Variants in SLC35F3 observed in about 807,000 individuals in gnomAD.
The protein encoded by SLC35F3 is putative thiamine transporter SLC35F3.
SLC35F3 carries 25 observed loss-of-function variants against 49.9 expected under a neutral mutation model. That is an observed-to-expected ratio of 0.50 (90% CI 0.37 to 0.70). SLC35F3 has a LOEUF of 0.70. Among genes scored for constraint, SLC35F3 ranks in the 30% least tolerant of loss-of-function variants. The pLI is 0.00. For synonymous variants in SLC35F3, 275 were observed against 265.4 expected, an observed-to-expected ratio of 1.04 and a Z score of -0.35; for missense variants, 525 against 639.8, an observed-to-expected ratio of 0.82 and a Z score of 1.94.
chr1:233,993,000 G>T (rs1663389930), intron 2 of SLC35F3, among the ~76,000 whole-genome samples: 1 of 152,096 alleles, frequency 6.6e-6, no homozygotes, highest in African/African-American at 2.4e-5. Flanking sequence ...AATACACTTT[G>T]TCATTTGAAT....
At chr1:234,082,693 T>C (rs12074252) in intron 2 of SLC35F3, among the ~76,000 whole-genome samples, 26,964 of 152,100 alleles carry the variant, frequency 0.18, 2,763 homozygotes, top group African/African-American at 0.28. Context: ...ACTCACAGTT[T>C]CATGTGGCTG....
Position 234,323,347 on chromosome 1 carries a change from GC to G in SLC35F3, c.*105del. The G allele has an allele frequency of 1.0e-6, 1 of 969,214 alleles. No homozygotes were observed. The highest frequency in any genetic ancestry group is 1.6e-5 in the South Asian group (1 of 61,116). 60.0% of individuals were successfully genotyped at this position (969,214 alleles called of 1,614,324 possible). On this transcript the variant is annotated 3_prime_UTR_variant, in exon 8 of 8. Transcript: ENST00000366618. This position sits in a 1 kb window ranked among gnomAD's most constrained non-coding sequence, Gnocchi z 4.5. Reference sequence around the variant, plus strand: ...CATACCTGTACAGTTTTGGTCATCTGCGGTAAGTTCTATGGTATTTATTGGC... The same window carrying G: ...CATACCTGTACAGTTTTGGTCATCTGGGTAAGTTCTATGGTATTTATTGGC...
rs923630683 is a variant in SLC35F3 at position 234,027,569 on chromosome 1, G to C, written c.283+121811G>C. 3.0e-4 allele frequency among the ~76,000 whole-genome samples: 46 copies of C among 152,204 alleles called. No individual in the cohort carries two copies. Among genetic ancestry groups the C allele is most frequent in the African/African-American group, 1.0e-3 (43 of 41,436 alleles). On this transcript the variant is annotated intron_variant, in intron 2 of 7. Coordinates refer to ENST00000366618, the MANE Select transcript of SLC35F3 (RefSeq NM_173508.4). The surrounding 1 kb of genome is among the most constrained non-coding windows in gnomAD (Gnocchi z 4.1). The stretch of plus-strand genomic sequence containing the variant: ...CTCGCAATAGGTAGGCTAGAAGGCT[G>C]TTCTCTGATCTAAGCAAGACAAAAA...
chr1:233,919,791 G>T (rs1270632837), intron 2 of SLC35F3, among the ~76,000 whole-genome samples: 1 of 152,170 alleles, frequency 6.6e-6, no homozygotes, highest in Non-Finnish European at 1.5e-5. Context: ...ACAGGGCGGG[G>T]GTTGGTGTGG....
intron 3 of SLC35F3, among the ~76,000 whole-genome samples, chr1:234,232,452 T>A (rs1248806936): frequency 7.1e-6 from 1 of 140,150 alleles, no homozygotes; most frequent in Non-Finnish European, 1.5e-5. Flanking sequence ...ATTAAGAGCA[T>A]CTCGTGTTTC....
chr1:234,284,956 C>T lies in SLC35F3; in HGVS notation c.609-24145C>T, dbSNP rs569713790. ...TTAAATTAACAAAAGTGGCTTTTGC[C>T]GTATCTACTGCAAGAATGAAGACCA... is the stretch of plus-strand genomic sequence containing the variant. On this transcript the variant is annotated intron_variant, in intron 3 of 7. Coordinates refer to ENST00000366618, the MANE Select transcript of SLC35F3 (RefSeq NM_173508.4). 13 of 163,940 alleles carry T rather than the reference C, an allele frequency of 7.9e-5. No homozygotes were observed. In the East Asian group the frequency reaches 1.3e-3, roughly 16 times the overall value. The allele number at this position is 163,940 out of a possible 1,614,324, so 10.2% of individuals were successfully genotyped here. A position where few individuals can be genotyped will look rare whatever the true frequency, so the allele number is the denominator to read the frequency against.
At chr1:233,914,794 G>A (rs979399759) in intron 2 of SLC35F3, among the ~76,000 whole-genome samples, 23 of 152,082 alleles carry the variant, frequency 1.5e-4, no homozygotes, top group Admixed American at 1.1e-3. Flanking sequence ...TTGGTTCAAA[G>A]CAGTGGTGAA....
intron 2 of SLC35F3, among the ~76,000 whole-genome samples, chr1:233,939,155 T>G (rs962902823): frequency 6.6e-6 from 1 of 152,216 alleles, no homozygotes; most frequent in African/African-American, 2.4e-5. Context: ...GATACTGGTA[T>G]AGTTAAGTAT....
At position 233,992,375 on chromosome 1, in the gene SLC35F3, G is replaced by A. The variant is rs144283100; in HGVS notation, c.283+86617G>A. ...ATCTTGCAGGCAGGGAAGTTCAAGA[G>A]CGTGGCCCTGACTTTTGGCAAGGCC... On this transcript the variant is annotated intron_variant, in intron 2 of 7. Coordinates refer to ENST00000366618, the MANE Select transcript of SLC35F3 (RefSeq NM_173508.4). Among the ~76,000 whole-genome samples, 447 of 152,306 alleles carry A rather than the reference G, an allele frequency of 2.9e-3. 7 individuals carry two copies. The highest frequency in any genetic ancestry group is 3.9e-3 in the Admixed American group (60 of 15,296).
In SLC35F3 at chr1:233,926,099, CAGTT is replaced by C. The variant is rs546929825; in HGVS notation, c.283+20344_283+20347del. Among the ~76,000 whole-genome samples, 458 of 152,228 alleles carry C rather than the reference CAGTT, an allele frequency of 3.0e-3. 4 individuals carry two copies. Among genetic ancestry groups the C allele is most frequent in the African/African-American group, 0.01 (435 of 41,548 alleles). On this transcript the variant is annotated intron_variant, in intron 2 of 7. Transcript: ENST00000366618. Reference sequence around the variant, plus strand: ...TTCATTTCAACCTTGGTGAATCTGACAGTTAGGTGTCTTGGGGTTGCTCTTCTCG... The same window carrying C: ...TTCATTTCAACCTTGGTGAATCTGACAGGTGTCTTGGGGTTGCTCTTCTCG...
At chr1:233,941,813 A>T (rs61223409) in intron 2 of SLC35F3, among the ~76,000 whole-genome samples, 6,766 of 152,282 alleles carry the variant, frequency 0.044, 497 homozygotes, top group African/African-American at 0.15. Flanking sequence ...TATGGTTCAT[A>T]TACAGAAAAC....
At chr1:233,990,863 T>C (rs1663345032) in intron 2 of SLC35F3, among the ~76,000 whole-genome samples, 1 of 152,162 alleles carries the variant, frequency 6.6e-6, no homozygotes, top group Non-Finnish European at 1.5e-5. Context: ...TGCAAAATAA[T>C]TGGCATCTGT....
At chr1:234,008,958 G>C (rs1663672632) in intron 2 of SLC35F3, among the ~76,000 whole-genome samples, 1 of 152,062 alleles carries the variant, frequency 6.6e-6, no homozygotes. Context: ...GGAGATAAAG[G>C]GTAAACCTCA....
At chr1:233,966,575 C>T (rs181091269) in intron 2 of SLC35F3, among the ~76,000 whole-genome samples, 1 of 152,272 alleles carries the variant, frequency 6.6e-6, no homozygotes, top group Admixed American at 6.5e-5. Flanking sequence ...AGATACCCAC[C>T]AACTCTTGCT....
chr1:234,195,886 T>A (rs1666802495), intron 2 of SLC35F3, among the ~76,000 whole-genome samples: 1 of 152,198 alleles, frequency 6.6e-6, no homozygotes, highest in Admixed American at 6.5e-5. Flanking sequence ...CACCTGGCTT[T>A]CATTCTCTCT....
intron 3 of SLC35F3, among the ~76,000 whole-genome samples, chr1:234,251,081 G>T (rs1667731403): frequency 6.6e-6 from 1 of 152,088 alleles, no homozygotes; most frequent in Non-Finnish European, 1.5e-5. Flanking sequence ...TGCCAACAAA[G>T]TCTGAAAGGA....
chr1:233,946,034 A>G (rs1310611020), intron 2 of SLC35F3, among the ~76,000 whole-genome samples: 3 of 152,254 alleles, frequency 2.0e-5, no homozygotes, highest in Non-Finnish European at 4.4e-5. Context: ...GCTGGTACAT[A>G]CAATTTGATT....
At chr1:234,275,228 G>A (rs1470094527) in intron 3 of SLC35F3, among the ~76,000 whole-genome samples, 2 of 151,982 alleles carry the variant, frequency 1.3e-5, no homozygotes, top group East Asian at 3.9e-4. Context: ...TTACCCTCAG[G>A]CTATGTGTAC....
chr1:234,285,991 G>C (rs1020105015), intron 3 of SLC35F3, among the ~76,000 whole-genome samples: 6 of 152,140 alleles, frequency 3.9e-5, no homozygotes, highest in African/African-American at 1.4e-4. Flanking sequence ...ACCTTGTCTG[G>C]TTCAATATTT....
Sources: allele counts gnomAD v4.1 joint callset (sites outside exome capture counted in the v4.1 genomes callset), GRCh38; gene constraint gnomAD v4.1.1; non-coding constraint Gnocchi (gnomAD v3.1); transcripts MANE v1.5; gene names NCBI Gene and HGNC (gene_info 2026-07-23, HGNC 2026-07-21).